DNAH9: variants seen among roughly 807,000 people sequenced by gnomAD.
DNAH9 encodes dynein axonemal heavy chain 9.
DNAH9 carries 345 observed loss-of-function variants against 471.6 expected under a neutral mutation model. The observed-to-expected ratio is 0.73, with a 90% CI of 0.67 to 0.80. The LOEUF is 0.80. Ranked by LOEUF, DNAH9 falls within the 30% of genes least tolerant of loss-of-function variation. DNAH9 has a pLI of 0.00. For missense variants in DNAH9, 5,407 were observed against 5,609.2 expected (o/e 0.96, Z 1.15); for synonymous variants, 2,093 against 2,123.6 (o/e 0.99, Z 0.40).
At chr17:11,654,310 T>C (rs12947965) in intron 14 of DNAH9, among the ~76,000 whole-genome samples, 60,485 of 63,470 alleles carry the variant, frequency 0.95, 28,929 homozygotes, top group Non-Finnish European at 0.99. Context: ...GAGCCGAGAT[T>C]GCGCCACTGC....
chr17:11,735,496 C>T (rs895778756), intron 28 of DNAH9, among the ~76,000 whole-genome samples: 18 of 152,038 alleles, frequency 1.2e-4, no homozygotes, highest in African/African-American at 1.7e-4. Flanking sequence ...AGTGCAGTGG[C>T]GCGATCTCGG....
chr17:11,690,710 A>G (rs1479624889), intron 20 of DNAH9, among the ~76,000 whole-genome samples: 1 of 151,852 alleles, frequency 6.6e-6, no homozygotes, highest in African/African-American at 2.4e-5. Context: ...TATATATAAG[A>G]AAGATTAAAA....
chr17:11,676,565 G>C (rs2074054098), intron 17 of DNAH9, among the ~76,000 whole-genome samples: 1 of 152,078 alleles, frequency 6.6e-6, no homozygotes, highest in Non-Finnish European at 1.5e-5. Context: ...TTACAGGCAT[G>C]AGCCACTGCA....
In DNAH9 at chr17:11,969,299, G is replaced by C. The variant is rs1384790457; in HGVS notation, c.13234-1G>C. 1 of 1,613,666 alleles carries C rather than the reference G, an allele frequency of 6.2e-7. No individual in the cohort carries two copies. The highest frequency in any genetic ancestry group is 1.1e-5 in the South Asian group (1 of 91,054). ...TGCCTCTTCTCATGTTTTATCCTCA[G>C]GCTGGGATCATTACAGAGGCAAAGC... On this transcript the variant is annotated splice_acceptor_variant, in intron 68 of 68. Transcript: ENST00000262442. LOFTEE classifies it high-confidence loss of function.
At chr17:11,957,424 C>T (rs1975701515) in intron 67 of DNAH9, among the ~76,000 whole-genome samples, 1 of 151,900 alleles carries the variant, frequency 6.6e-6, no homozygotes, top group Non-Finnish European at 1.5e-5. Flanking sequence ...AAATAAAAAC[C>T]ATGGCCATTT....
rs1024602890 is a variant in DNAH9 at position 11,758,872 on chromosome 17, C to A, written c.6995+1180C>A. Among the ~76,000 whole-genome samples, 4 of 152,092 alleles carry A rather than the reference C, an allele frequency of 2.6e-5. No homozygotes were observed. The East Asian group carries it at 7.7e-4, about 29-fold the overall frequency. ...TATTTCAGGGTCAATAATTATTATT[C>A]CAACTCAACATTTGTATAAGCCTTT... is the stretch of plus-strand genomic sequence containing the variant. On this transcript the variant is annotated intron_variant, in intron 35 of 68. Transcript: ENST00000262442.
chr17:11,664,993 G>T, intron 15 of DNAH9, 25 bp downstream of exon 15: 1 of 1,599,264 alleles, frequency 6.3e-7, no homozygotes, highest in South Asian at 1.1e-5. Flanking sequence ...ATGGATGTGG[G>T]TTATTATTGG....
chr17:11,782,793 A>T (rs1278977608), intron 39 of DNAH9, among the ~76,000 whole-genome samples: 1 of 152,202 alleles, frequency 6.6e-6, no homozygotes, highest in East Asian at 1.9e-4. Context: ...GCTACTTAGG[A>T]GGCTGAGGCA....
At chr17:11,956,942 G>A (rs993607180) in intron 67 of DNAH9, among the ~76,000 whole-genome samples, 1 of 151,376 alleles carries the variant, frequency 6.6e-6, no homozygotes, top group African/African-American at 2.4e-5. Context: ...ATTAATGAAA[G>A]TGAAAACAAA....
In DNAH9 at chr17:11,892,705, C is replaced by T. The variant is rs984292237; in HGVS notation, c.11283+758C>T. Among the ~76,000 whole-genome samples, 9 of 152,012 alleles carry T rather than the reference C, an allele frequency of 5.9e-5. No individual in the cohort carries two copies. The highest frequency in any genetic ancestry group is 2.2e-4 in the African/African-American group (9 of 41,384). ...AGCTGGGATTACAGGTGTGCGCCACCAGGCCCAGCGAATTTTTTTTGTATT... is the reference window on the plus strand; with the variant it reads ...AGCTGGGATTACAGGTGTGCGCCACTAGGCCCAGCGAATTTTTTTTGTATT... On this transcript the variant is annotated intron_variant, in intron 58 of 68. Coordinates refer to ENST00000262442, the MANE Select transcript of DNAH9 (RefSeq NM_001372.4). The surrounding 1 kb of genome is among the most constrained non-coding windows in gnomAD (Gnocchi z 4.3).
intron 6 of DNAH9, 172 bp downstream of exon 6, chr17:11,619,953 A>T (rs1349622031): frequency 3.4e-6 from 2 of 595,842 alleles, no homozygotes; most frequent in African/African-American, 3.7e-5. Flanking sequence ...CATGCCTGTA[A>T]TCCCACTAGC....
intron 4 of DNAH9, among the ~76,000 whole-genome samples, chr17:11,615,875 T>C (rs1477379385): frequency 1.3e-5 from 2 of 152,190 alleles, no homozygotes; most frequent in Non-Finnish European, 2.9e-5. Flanking sequence ...AGAATGACTG[T>C]TGGATTCTGA....
In DNAH9 at chr17:11,608,346, C is replaced by CAT. The variant is rs1389671157; in HGVS notation, c.614+24_614+25dup. ...ACAGTGTAAGTACCGCCAGCCTGGC[C>CAT]ATATGGGCCTCTGAGATATGGGAGA... On this transcript the variant is annotated intron_variant, in intron 2 of 68. Transcript: ENST00000262442. 7 of 1,563,442 alleles carry CAT rather than the reference C, an allele frequency of 4.5e-6. No homozygotes were observed. In the South Asian group the frequency reaches 7.9e-5, roughly 18 times the overall value.
intron 43 of DNAH9, among the ~76,000 whole-genome samples, chr17:11,798,655 C>T (rs1234346844): frequency 6.6e-6 from 1 of 152,084 alleles, no homozygotes; most frequent in Non-Finnish European, 1.5e-5. Flanking sequence ...ATTGCCAGCG[C>T]TCACTGCCCT....
At chr17:11,913,268 G>A (rs1973844704) in intron 61 of DNAH9, among the ~76,000 whole-genome samples, 1 of 152,122 alleles carries the variant, frequency 6.6e-6, no homozygotes. Context: ...TTTTGAGTAA[G>A]AAGTTTTTAA....
chr17:11,727,621 T>G (rs1243887623), intron 27 of DNAH9, among the ~76,000 whole-genome samples, 197 bp from the exon 28 acceptor site: 2 of 152,240 alleles, frequency 1.3e-5, no homozygotes, highest in African/African-American at 4.8e-5. Context: ...GAAAAGGTTC[T>G]GTTTAATCCT....
chr17:11,949,769 A>C (rs1381558067), intron 67 of DNAH9, among the ~76,000 whole-genome samples: 1 of 152,120 alleles, frequency 6.6e-6, no homozygotes, highest in East Asian at 1.9e-4. Context: ...GTGAGCCACC[A>C]TGCCCAGCCA....
intron 26 of DNAH9, among the ~76,000 whole-genome samples, chr17:11,713,352 G>A (rs2074906127): frequency 6.6e-6 from 1 of 152,044 alleles, no homozygotes; most frequent in Non-Finnish European, 1.5e-5. Context: ...GAATAGTGCT[G>A]CAATGAACAT....
intron 30 of DNAH9, among the ~76,000 whole-genome samples, chr17:11,744,179 C>A (rs1179427578): frequency 2.0e-5 from 3 of 152,082 alleles, no homozygotes; most frequent in Non-Finnish European, 4.4e-5. Flanking sequence ...TGCTACAAAT[C>A]AAGTAGAGGA....
Sources: gnomAD v4.1 joint callset for allele counts (sites outside exome capture counted in the v4.1 genomes callset) on GRCh38, gnomAD v4.1.1 for gene constraint, Gnocchi (gnomAD v3.1) non-coding constraint, MANE v1.5 for transcripts, NCBI Gene and HGNC (gene_info 2026-07-23, HGNC 2026-07-21) for gene names.